VWA8: variants seen among roughly 807,000 people sequenced by gnomAD.
VWA8 encodes the protein von Willebrand factor A domain-containing protein 8.
Under a neutral mutation model 241.5 loss-of-function variants are expected in VWA8, and 221 were observed. That is an observed-to-expected ratio of 0.91 (90% CI 0.82 to 1.02). The LOEUF is 1.02. Ranked by LOEUF, VWA8 falls within the 50% of genes least tolerant of loss-of-function variation. The probability of loss-of-function intolerance (pLI) is 0.00; values close to 1 mark genes in which losing one functional copy is unlikely to be tolerated. For missense variants in VWA8, 2,322 were observed against 2,328.7 expected, an observed-to-expected ratio of 1.00 and a Z score of 0.06; for synonymous variants, 852 against 827.1, an observed-to-expected ratio of 1.03 and a Z score of -0.52.
intron 35 of VWA8, among the ~76,000 whole-genome samples, chr13:41,678,887 G>A (rs1341710651): frequency 6.6e-6 from 1 of 152,136 alleles, no homozygotes. Flanking sequence ...TGGTGGTAGT[G>A]GTGGTAGTAG....
In VWA8 at chr13:41,885,091, T is replaced by C. The variant is rs115899548; in HGVS notation, c.975+829A>G. 1.7e-3 allele frequency among the ~76,000 whole-genome samples: 264 copies of C among 152,320 alleles called. 2 individuals carry two copies. Among genetic ancestry groups the C allele is most frequent in the African/African-American group, 5.8e-3 (243 of 41,562 alleles). ...TCCAACATAAGTCTGGTCACATTCA[T>C]AGCCCACCAACTTAATATTGTCTGA... On this transcript the variant is annotated intron_variant, in intron 8 of 44. Coordinates refer to ENST00000379310, the MANE Select transcript of VWA8 (RefSeq NM_015058.2).
chr13:41,729,322 A>C (rs1268459045), intron 23 of VWA8, among the ~76,000 whole-genome samples: 1 of 152,100 alleles, frequency 6.6e-6, no homozygotes, highest in Non-Finnish European at 1.5e-5. Flanking sequence ...TCCTAATACT[A>C]CTACTAAAAA....
intron 12 of VWA8, chr13:41,864,752 T>A (rs1430911127): frequency 3.5e-6 from 1 of 287,044 alleles, no homozygotes; most frequent in Non-Finnish European, 6.8e-6. Flanking sequence ...AAAAAGGAAG[T>A]GGTAATGGTT....
chr13:41,618,193 C>G (rs1176977629), intron 37 of VWA8, among the ~76,000 whole-genome samples: 5 of 152,128 alleles, frequency 3.3e-5, no homozygotes, highest in Admixed American at 1.3e-4. Context: ...GATGGTATAC[C>G]ATTGTGGTTT....
At chr13:41,612,725 A>T (rs1844300233) in intron 38 of VWA8, among the ~76,000 whole-genome samples, 1 of 152,186 alleles carries the variant, frequency 6.6e-6, no homozygotes, top group Non-Finnish European at 1.5e-5. Flanking sequence ...GAGAACTTAG[A>T]AGGGAATCCA....
intron 4 of VWA8, among the ~76,000 whole-genome samples, chr13:41,898,712 G>A (rs543703232): frequency 6.6e-5 from 10 of 152,308 alleles, no homozygotes; most frequent in African/African-American, 2.4e-4. Context: ...CTGCAGTCCC[G>A]AGGCCTGCCC....
At chr13:41,911,284 G>C (rs12877500) in intron 3 of VWA8, among the ~76,000 whole-genome samples, 1 of 151,926 alleles carries the variant, frequency 6.6e-6, no homozygotes, top group Non-Finnish European at 1.5e-5. Context: ...GGCTGGTCTC[G>C]AACTCCTGAC....
chr13:41,804,814 A>G (rs1210290145), intron 17 of VWA8, among the ~76,000 whole-genome samples: 1 of 152,106 alleles, frequency 6.6e-6, no homozygotes, highest in Non-Finnish European at 1.5e-5. Context: ...TTTTCTCTTT[A>G]TTTACACAAT....
intron 22 of VWA8, 52 bp from the exon 23 acceptor site, chr13:41,729,729 T>A: frequency 6.3e-7 from 1 of 1,580,630 alleles, no homozygotes; most frequent in Non-Finnish European, 8.6e-7. Flanking sequence ...CAGCCATTAT[T>A]AAAACTTCAT....
At chr13:41,949,105 ATTTGGGATGAT>A (rs1383519978) in intron 2 of VWA8, among the ~76,000 whole-genome samples, 2 of 151,360 alleles carry the variant, frequency 1.3e-5, no homozygotes, top group Non-Finnish European at 1.5e-5. Context: ...ACAAGAGAAC[ATTTGGGATGAT>A]TAATGTAATC....
intron 37 of VWA8, among the ~76,000 whole-genome samples, chr13:41,634,207 G>C (rs1474107864): frequency 6.6e-6 from 1 of 152,166 alleles, no homozygotes; most frequent in Non-Finnish European, 1.5e-5. Flanking sequence ...GAGCTAGGGT[G>C]AGTAGGGTGG....
At chr13:41,955,825 G>C (rs1277802548) in intron 1 of VWA8, 1 of 152,212 alleles carries the variant, frequency 6.6e-6, no homozygotes, top group Admixed American at 6.5e-5. Flanking sequence ...TAGCCAATCT[G>C]AGCAGCTGAG....
chr13:41,623,166 T>TC (rs1252697830), intron 37 of VWA8, among the ~76,000 whole-genome samples: 2 of 152,016 alleles, frequency 1.3e-5, no homozygotes, highest in Admixed American at 6.6e-5. Flanking sequence ...TGCTCTCTTG[T>TC]CCCCTCCAAC....
intron 1 of VWA8, among the ~76,000 whole-genome samples, chr13:41,956,991 A>T (rs547233036): frequency 6.6e-6 from 1 of 152,346 alleles, no homozygotes; most frequent in African/African-American, 2.4e-5. Context: ...CTGTAATCCC[A>T]GCACTTTGGG....
chr13:41,854,288 T>C (rs1037256359), intron 12 of VWA8, among the ~76,000 whole-genome samples: 23 of 152,092 alleles, frequency 1.5e-4, no homozygotes, highest in African/African-American at 5.1e-4. Context: ...GTCAGTAGCT[T>C]GGAAGACAAT....
chr13:41,868,294 A>C, intron 10 of VWA8, 52 bp downstream of exon 10: 1 of 1,604,986 alleles, frequency 6.2e-7, no homozygotes, highest in Non-Finnish European at 8.5e-7. Flanking sequence ...TAGGTCATAA[A>C]AACAGGCAGA....
chr13:41,643,356 T>TC (rs2044809241), intron 37 of VWA8, among the ~76,000 whole-genome samples: 1 of 152,192 alleles, frequency 6.6e-6, no homozygotes, highest in Non-Finnish European at 1.5e-5. Context: ...CCATTGCCAG[T>TC]CATCACACTC....
At chr13:41,652,374 G>A (rs1276545411) in intron 37 of VWA8, among the ~76,000 whole-genome samples, 1 of 152,114 alleles carries the variant, frequency 6.6e-6, no homozygotes, top group East Asian at 1.9e-4. Context: ...AGTGAGCCTG[G>A]ACAAATTACT....
chr13:41,734,996 G>A (rs951553665), intron 21 of VWA8, among the ~76,000 whole-genome samples: 1 of 152,068 alleles, frequency 6.6e-6, no homozygotes, highest in African/African-American at 2.4e-5. Context: ...TTACTGCAGG[G>A]CATATGTTAT....
Sources: allele counts gnomAD v4.1 joint callset (sites outside exome capture counted in the v4.1 genomes callset), GRCh38; gene constraint gnomAD v4.1.1; transcripts MANE v1.5; gene names NCBI Gene and HGNC (gene_info 2026-07-23, HGNC 2026-07-21).